The following ZHX2 variants were observed in gnomAD, a reference collection of about 807,000 sequenced individuals.
The protein encoded by ZHX2 is zinc fingers and homeoboxes protein 2.
A neutral mutation model predicts 21.9 loss-of-function variants in ZHX2; 6 were observed. The ratio of observed to expected loss-of-function variants is 0.27; its 90% CI spans 0.15 to 0.54. ZHX2 has a LOEUF of 0.54. Ranked by LOEUF, ZHX2 falls within the 20% of genes least tolerant of loss-of-function variation. The pLI, the probability that ZHX2 is intolerant of heterozygous loss-of-function variation, is 0.95. For missense variants in ZHX2, 908 were observed against 1,090.7 expected (o/e 0.83, Z 2.36); for synonymous variants, 434 against 437.1 (o/e 0.99, Z 0.09).
rs369794954 is a variant in ZHX2 at position 122,899,246 on chromosome 8, A to G, written c.-220+35707A>G. ...ACAACCCCCTCTAACTCCTACAAAGATCCTCTTACACCCTCTCTAGCTCTC... is the reference window on the plus strand; with the variant it reads ...ACAACCCCCTCTAACTCCTACAAAGGTCCTCTTACACCCTCTCTAGCTCTC... On this transcript the variant is annotated intron_variant, in intron 2 of 3. Transcript: ENST00000314393. Among the ~76,000 whole-genome samples, 83 of 151,986 alleles carry G rather than the reference A, an allele frequency of 5.5e-4. 1 individual carries two copies. In the South Asian group the frequency reaches 6.2e-3, roughly 11 times the overall value.
At chr8:122,848,790 G>A (rs561439882) in intron 1 of ZHX2, among the ~76,000 whole-genome samples, 17 of 152,348 alleles carry the variant, frequency 1.1e-4, no homozygotes, top group Admixed American at 4.6e-4. Flanking sequence ...GGCCGGCAGC[G>A]TGCCCTGCCC....
chr8:122,889,190 G>A (rs1184038435), intron 2 of ZHX2, among the ~76,000 whole-genome samples: 1 of 152,278 alleles, frequency 6.6e-6, no homozygotes, highest in Middle Eastern at 3.4e-3. Context: ...ATAAACATGG[G>A]AGTGCAGATA....
At chr8:122,832,122 G>A (rs185613864) in intron 1 of ZHX2, among the ~76,000 whole-genome samples, 2 of 152,262 alleles carry the variant, frequency 1.3e-5, no homozygotes, top group East Asian at 3.9e-4. Flanking sequence ...AATGTGTAGG[G>A]TCTTGGGCAG....
chr8:122,941,374 A>G (rs1812839515), intron 2 of ZHX2, among the ~76,000 whole-genome samples: 1 of 152,264 alleles, frequency 6.6e-6, no homozygotes, highest in African/African-American at 2.4e-5. Context: ...GCAATACAAA[A>G]GGTTAAATCA....
At chr8:122,918,897 G>A (rs1451829844) in intron 2 of ZHX2, among the ~76,000 whole-genome samples, 7 of 149,862 alleles carry the variant, frequency 4.7e-5, no homozygotes, top group Non-Finnish European at 7.4e-5. Flanking sequence ...GCAGTGAGCC[G>A]AGATCACGCC....
intron 2 of ZHX2, among the ~76,000 whole-genome samples, chr8:122,926,726 T>C (rs1428873901): frequency 6.6e-6 from 1 of 152,208 alleles, no homozygotes; most frequent in Non-Finnish European, 1.5e-5. Flanking sequence ...TTCCTTGCCT[T>C]TCCAGCATCT....
intron 1 of ZHX2, among the ~76,000 whole-genome samples, chr8:122,834,941 G>A (rs1032239306): frequency 6.6e-6 from 1 of 152,296 alleles, no homozygotes; most frequent in East Asian, 1.9e-4. Context: ...ATCCCAGTGG[G>A]GGTCCTGGTT....
chr8:122,853,916 CT>C (rs911344883), intron 1 of ZHX2, among the ~76,000 whole-genome samples: 2 of 152,150 alleles, frequency 1.3e-5, no homozygotes, highest in African/African-American at 4.8e-5. Flanking sequence ...TCTGATGACT[CT>C]TTTTTTAACA....
rs1399572091 is a variant in ZHX2, at chr8:122,951,939, A to G, written c.429A>G (p.Leu143=). ...GGGAGGCCAACTTCAAGCTGAAGTT[A>G]ATTAAACGCAATAATCAAACTGTCT... The part of the protein sequence containing the change: ...HPGEANFKLK[L]IKRNNQTVLE... The change falls in exon 3 of 4, where the codon TTA becomes TTG. Residue 143 remains leucine, a synonymous_variant. Transcript: ENST00000314393. The G allele has an allele frequency of 1.9e-6, 3 of 1,613,936 alleles. No homozygotes were observed. The highest frequency in any genetic ancestry group is 1.7e-5 in the Admixed American group (1 of 59,994).
chr8:122,817,681 C>T (rs1270273924), intron 1 of ZHX2, among the ~76,000 whole-genome samples: 2 of 152,236 alleles, frequency 1.3e-5, no homozygotes, highest in Non-Finnish European at 2.9e-5. Context: ...TGATTACTGC[C>T]TCTTGCCAGA....
At chr8:122,883,132 C>T (rs1019292203) in intron 2 of ZHX2, among the ~76,000 whole-genome samples, 4 of 152,208 alleles carry the variant, frequency 2.6e-5, no homozygotes, top group South Asian at 2.1e-4. Context: ...TCCCCACCCT[C>T]GTTTCTTCCC....
intron 2 of ZHX2, among the ~76,000 whole-genome samples, chr8:122,877,176 T>G (rs1049756309): frequency 2.0e-5 from 3 of 152,270 alleles, no homozygotes; most frequent in Admixed American, 6.5e-5. Flanking sequence ...GTGCCTCAAT[T>G]TTCTCATCCA....
At chr8:122,937,502 C>A (rs1033734322) in intron 2 of ZHX2, among the ~76,000 whole-genome samples, 1 of 152,170 alleles carries the variant, frequency 6.6e-6, no homozygotes, top group Non-Finnish European at 1.5e-5. Flanking sequence ...CAAAAATCAT[C>A]CAGCTCAGCT....
intron 1 of ZHX2, among the ~76,000 whole-genome samples, chr8:122,848,214 C>CTG (rs1241088539): frequency 6.6e-6 from 1 of 152,048 alleles, no homozygotes; most frequent in Admixed American, 6.6e-5. Context: ...TGTTGCGTCT[C>CTG]TGTGTGTGTG....
chr8:122,927,660 C>T (rs1454417762), intron 2 of ZHX2, among the ~76,000 whole-genome samples: 1 of 152,152 alleles, frequency 6.6e-6, no homozygotes, highest in Non-Finnish European at 1.5e-5. Context: ...TTTATAAAAC[C>T]ATCAGATCTC....
chr8:122,869,456 T>C (rs1180822279), intron 2 of ZHX2, among the ~76,000 whole-genome samples: 3 of 152,160 alleles, frequency 2.0e-5, no homozygotes, highest in Non-Finnish European at 4.4e-5. Context: ...GCTTCCCAAG[T>C]ACCTCTCTTC....
intron 2 of ZHX2, among the ~76,000 whole-genome samples, chr8:122,889,526 T>C (rs1167391199): frequency 1.3e-5 from 2 of 152,246 alleles, no homozygotes; most frequent in African/African-American, 4.8e-5. Context: ...ATGAATATCT[T>C]CTTTTGTGAA....
In ZHX2 at chr8:122,861,035, C is replaced by CAAAAAAAAA. The variant is rs36046690; in HGVS notation, c.-282-2427_-282-2419dup. 3.0e-5 allele frequency among the ~76,000 whole-genome samples: 2 copies of CAAAAAAAAA among 66,770 alleles called. 1 individual carries two copies. Among genetic ancestry groups the CAAAAAAAAA allele is most frequent in the African/African-American group, 1.2e-4 (2 of 16,220 alleles). 43.8% of individuals were successfully genotyped at this position (66,770 alleles called of 152,430 possible). On this transcript the variant is annotated intron_variant, in intron 1 of 3. Coordinates refer to ENST00000314393, the MANE Select transcript of ZHX2 (RefSeq NM_014943.5). The stretch of plus-strand genomic sequence containing the variant: ...CTGGAGACAGAGCAAGACTTCGTCT[C>CAAAAAAAAA]AAAAAAAAAAAAAAAAAAAAAAAGC...
intron 3 of ZHX2, among the ~76,000 whole-genome samples, chr8:122,961,223 C>T (rs1425464049): frequency 6.6e-6 from 1 of 152,198 alleles, no homozygotes; most frequent in Non-Finnish European, 1.5e-5. Context: ...ATAGTCTTTG[C>T]TCTGTGTGTT....
Sources: allele counts gnomAD v4.1 joint callset (sites outside exome capture counted in the v4.1 genomes callset), GRCh38; gene constraint gnomAD v4.1.1; transcripts MANE v1.5; gene names NCBI Gene and HGNC (gene_info 2026-07-23, HGNC 2026-07-21).